Variants in FREM3 observed in about 807,000 individuals in gnomAD.
FREM3 encodes the protein FRAS1 related extracellular matrix 3.
In FREM3, 105 loss-of-function variants were observed where a neutral mutation model predicts 129.1. That is an observed-to-expected ratio of 0.81 (90% CI 0.69 to 0.96). The LOEUF is 0.96. Ranked by LOEUF, FREM3 falls within the 40% of genes least tolerant of loss-of-function variation. The probability of loss-of-function intolerance (pLI) is 0.00; values close to 1 mark genes in which losing one functional copy is unlikely to be tolerated. For missense variants in FREM3, 2,593 were observed against 2,666.3 expected (o/e 0.97, Z 0.61); for synonymous variants, 1,014 against 1,044.9 (o/e 0.97, Z 0.57).
At chr4:143,683,885 G>C (rs549268596) in intron 2 of FREM3, among the ~76,000 whole-genome samples, 1 of 152,204 alleles carries the variant, frequency 6.6e-6, no homozygotes, top group African/African-American at 2.4e-5. Context: ...TGTGACTGCC[G>C]GCTTTCCCCC....
intron 7 of FREM3, among the ~76,000 whole-genome samples, chr4:143,584,850 G>A (rs1050113152): frequency 2.0e-5 from 3 of 152,016 alleles, no homozygotes; most frequent in Admixed American, 6.5e-5. Context: ...GCACATACAC[G>A]TACTCTAAAA....
intron 7 of FREM3, among the ~76,000 whole-genome samples, chr4:143,579,599 T>C (rs1738097979): frequency 6.6e-6 from 1 of 152,216 alleles, no homozygotes. Flanking sequence ...TCTCAGTTTC[T>C]TTTCTTCAAC....
At chr4:143,692,762 T>C (rs548072823) in intron 2 of FREM3, among the ~76,000 whole-genome samples, 32 of 152,284 alleles carry the variant, frequency 2.1e-4, no homozygotes, top group African/African-American at 7.7e-4. Flanking sequence ...TATTTTCTAA[T>C]TTGTTTCAGA....
rs756000415 is a variant in FREM3, at chr4:143,605,282, A to G, written c.6028+5997T>C. ...ACTACCAAGTTTTAAGTAAAAATTA[A>G]GTAGGAATATGGCACGGCTCAAGGG... On this transcript the variant is annotated intron_variant, in intron 6 of 7. Coordinates refer to ENST00000329798, the MANE Select transcript of FREM3 (RefSeq NM_001168235.2). Among the ~76,000 whole-genome samples, 23 of 152,148 alleles carry G rather than the reference A, an allele frequency of 1.5e-4. 1 individual carries two copies. The highest frequency in any genetic ancestry group is 2.9e-4 in the Non-Finnish European group (20 of 68,014).
intron 5 of FREM3, among the ~76,000 whole-genome samples, chr4:143,613,105 G>A (rs935850478): frequency 6.6e-6 from 1 of 152,206 alleles, no homozygotes; most frequent in African/African-American, 2.4e-5. Context: ...GCTCGGAAGG[G>A]CACTGACTCA....
chr4:143,647,676 G>T (rs1169326620), intron 2 of FREM3, among the ~76,000 whole-genome samples: 1 of 152,198 alleles, frequency 6.6e-6, no homozygotes, highest in Non-Finnish European at 1.5e-5. Flanking sequence ...TGTTGGGCTT[G>T]TGGGTGCACT....
chr4:143,619,797 C>T (rs761241340), intron 5 of FREM3, among the ~76,000 whole-genome samples: 14 of 152,082 alleles, frequency 9.2e-5, no homozygotes, highest in Admixed American at 3.3e-4. Flanking sequence ...AAGTTTCCAT[C>T]TGCCAAGGTA....
At chr4:143,648,021 C>T (rs944063411) in intron 2 of FREM3, among the ~76,000 whole-genome samples, 6 of 152,198 alleles carry the variant, frequency 3.9e-5, no homozygotes, top group Admixed American at 1.3e-4. Flanking sequence ...AAAGCCACAG[C>T]GCAGAGCTGT....
At chr4:143,616,779 C>A (rs1458447430) in intron 5 of FREM3, among the ~76,000 whole-genome samples, 2 of 148,046 alleles carry the variant, frequency 1.4e-5, no homozygotes, top group East Asian at 1.9e-4. Context: ...GGCAACAGAG[C>A]GAGACTCCGT....
chr4:143,658,516 C>T (rs1297928973), intron 2 of FREM3, among the ~76,000 whole-genome samples: 1 of 152,170 alleles, frequency 6.6e-6, no homozygotes, highest in East Asian at 1.9e-4. Context: ...CCTGAATGGA[C>T]TGAGAGAGTC....
At position 143,700,322 on chromosome 4, in the gene FREM3, G is replaced by A. The variant is rs1230253202; in HGVS notation, c.354C>T (p.Thr118=). Residue 118 remains threonine, a synonymous_variant, in exon 1 of 8, where the codon ACC becomes ACT. Transcript: ENST00000329798. ...TGTACTGGACTTGGCGGGGCCCGAA[G>A]GTGCAGGGGAAGCGGCGCGGGGAGA... is the stretch of plus-strand genomic sequence containing the variant. ...GALSPRRFPC[T]FGPRQVQYTH... 2.0e-6 allele frequency: 3 copies of A among 1,534,818 alleles called. No individual in the cohort carries two copies. In the African/African-American group the frequency reaches 4.1e-5, roughly 21 times the overall value.
chr4:143,596,661 A>G (rs1033726804), intron 6 of FREM3, among the ~76,000 whole-genome samples: 5 of 152,176 alleles, frequency 3.3e-5, no homozygotes, highest in Non-Finnish European at 7.4e-5. Context: ...ATCAAGCCTC[A>G]CAGTGGTTCA....
chr4:143,604,629 T>C (rs959701565), intron 6 of FREM3, among the ~76,000 whole-genome samples: 7 of 152,096 alleles, frequency 4.6e-5, no homozygotes, highest in Non-Finnish European at 1.5e-5. Context: ...AAGAGCACAA[T>C]CAAAACACTT....
chr4:143,627,864 T>C (rs1739070246), intron 2 of FREM3, 104 bp from the exon 3 acceptor site: 1 of 715,904 alleles, frequency 1.4e-6, no homozygotes, highest in African/African-American at 1.8e-5. Context: ...TTTCAAAACA[T>C]ACTCGTTTTA....
intron 2 of FREM3, among the ~76,000 whole-genome samples, chr4:143,640,319 A>G (rs1232320808): frequency 1.3e-5 from 2 of 152,258 alleles, no homozygotes; most frequent in African/African-American, 2.4e-5. Flanking sequence ...TTGAATGACA[A>G]TGCTTTCTGG....
At position 143,700,199 on chromosome 4, in the gene FREM3, C is replaced by A. The variant is rs755932423; in HGVS notation, c.477G>T (p.Ala159=). 1.3e-6 allele frequency: 2 copies of A among 1,536,970 alleles called. No individual in the cohort carries two copies. ...THTLVLPFTL[A]VDLVFSQLEL... ...CCAGCTGGGAGAAGACCAAGTCCAC[C>A]GCCAGCGTGAAGGGCAGCACCAGAG... Residue 159 remains alanine (A), a synonymous_variant, in exon 1 of 8, where the codon GCG becomes GCT. Coordinates refer to ENST00000329798, the MANE Select transcript of FREM3 (RefSeq NM_001168235.2).
chr4:143,684,764 A>G (rs1479013420), intron 2 of FREM3, among the ~76,000 whole-genome samples: 1 of 152,242 alleles, frequency 6.6e-6, no homozygotes, highest in East Asian at 1.9e-4. Flanking sequence ...AAATGATACA[A>G]GAAGTAAAGG....
At chr4:143,633,267 A>G (rs1200655973) in intron 2 of FREM3, among the ~76,000 whole-genome samples, 4 of 152,196 alleles carry the variant, frequency 2.6e-5, no homozygotes, top group East Asian at 1.9e-4. Context: ...GCTTATCACT[A>G]TGCCATAATA....
chr4:143,689,122 A>G (rs1171609428), intron 2 of FREM3, among the ~76,000 whole-genome samples: 1 of 152,208 alleles, frequency 6.6e-6, no homozygotes. Context: ...TTCACAATGT[A>G]TATATCTGAC....
Sources: allele counts gnomAD v4.1 joint callset (sites outside exome capture counted in the v4.1 genomes callset), GRCh38; gene constraint gnomAD v4.1.1; transcripts MANE v1.5; gene names NCBI Gene and HGNC (gene_info 2026-07-23, HGNC 2026-07-21).